Variants in TBCD observed in about 807,000 individuals in gnomAD.
The protein encoded by TBCD is tubulin-specific chaperone D.
TBCD carries 105 observed loss-of-function variants against 169.3 expected under a neutral mutation model. That is an observed-to-expected ratio of 0.62 (90% CI 0.53 to 0.73). The LOEUF is 0.73. TBCD is among the 30% of genes least tolerant of loss of function. The probability of loss-of-function intolerance (pLI) is 0.00; values close to 1 mark genes in which losing one functional copy is unlikely to be tolerated. For missense variants in TBCD, 1,444 were observed against 1,600.1 expected (o/e 0.90, Z 1.66); for synonymous variants, 700 against 643.9 (o/e 1.09, Z -1.32).
At chr17:82,788,169 T>C (rs531057210) in intron 7 of TBCD, among the ~76,000 whole-genome samples, 1 of 151,844 alleles carries the variant, frequency 6.6e-6, no homozygotes, top group South Asian at 2.1e-4. Context: ...ACCCGGGAGG[T>C]GGAGGTTGCA....
intron 17 of TBCD, among the ~76,000 whole-genome samples, chr17:82,895,388 G>A (rs751363272): frequency 3.9e-5 from 6 of 152,246 alleles, no homozygotes; most frequent in Non-Finnish European, 7.3e-5. Context: ...GTTCAGCAGA[G>A]GGCATGGGAC....
At chr17:82,769,317 G>A (rs2048185384) in intron 5 of TBCD, among the ~76,000 whole-genome samples, 1 of 152,208 alleles carries the variant, frequency 6.6e-6, no homozygotes, top group Non-Finnish European at 1.5e-5. Flanking sequence ...CTAATGAGAT[G>A]GAAGTCATGA....
chr17:82,855,250 T>A (rs935593320), intron 13 of TBCD, among the ~76,000 whole-genome samples: 3 of 126,582 alleles, frequency 2.4e-5, no homozygotes, highest in African/African-American at 3.5e-5. Flanking sequence ...TTTTTTTTTT[T>A]TTTTTTTTTT....
chr17:82,852,286 C>A (rs1351995467), intron 13 of TBCD, among the ~76,000 whole-genome samples: 4 of 152,098 alleles, frequency 2.6e-5, no homozygotes. Context: ...TTGGCGTGGT[C>A]CGTGGGCGAT....
chr17:82,921,925 C>T (rs2061441291), intron 25 of TBCD, among the ~76,000 whole-genome samples: 1 of 152,208 alleles, frequency 6.6e-6, no homozygotes, highest in Non-Finnish European at 1.5e-5. Context: ...CTTTATGATG[C>T]TCCTGTGCAG....
chr17:82,788,764 G>A (rs1390567061), intron 7 of TBCD, among the ~76,000 whole-genome samples: 1 of 152,144 alleles, frequency 6.6e-6, no homozygotes, highest in East Asian at 1.9e-4. Flanking sequence ...GGCTTGAGCT[G>A]CTGTGAGCTG....
chr17:82,855,983 T>TA (rs2056239270), intron 13 of TBCD, among the ~76,000 whole-genome samples: 1 of 114,030 alleles, frequency 8.8e-6, no homozygotes, highest in African/African-American at 3.4e-5. Context: ...ATGGGTAGAC[T>TA]CCCCCCCCAC....
Position 82,870,374 on chromosome 17 carries a change from T to C in TBCD, c.1469T>C (p.Ile490Thr). The part of the protein sequence containing the change: ...PQELKPFVTA[I>T]SSALVIAAVF... ...GAGCTGAAGCCCTTTGTGACTGCAA[T>C]CTCGAGGTAGGCCCATTCGTCGAGG... is the stretch of plus-strand genomic sequence containing the variant. The change falls in exon 14 of 39, where the codon ATC becomes ACC. Residue 490 changes from isoleucine (I) to threonine (T), a missense_variant. Physicochemically the swap from Ile to Thr is moderately conservative, Grantham distance 89. Coordinates refer to ENST00000355528, the MANE Select transcript of TBCD (RefSeq NM_005993.5). The C allele has an allele frequency of 6.2e-7, 1 of 1,612,730 alleles. No homozygotes were observed. Among genetic ancestry groups the C allele is most frequent in the Non-Finnish European group, 8.5e-7 (1 of 1,179,582 alleles).
intron 7 of TBCD, 123 bp downstream of exon 7, chr17:82,781,844 C>G (rs2048966869): frequency 1.8e-5 from 26 of 1,460,870 alleles, no homozygotes; most frequent in Non-Finnish European, 2.3e-5. Flanking sequence ...ATTGATTTAA[C>G]CGGGCCAGGG....
intron 7 of TBCD, among the ~76,000 whole-genome samples, chr17:82,793,428 C>T (rs1403295643): frequency 6.6e-6 from 1 of 152,196 alleles, no homozygotes; most frequent in Non-Finnish European, 1.5e-5. Context: ...AGATGTCCCT[C>T]GCTTTGATTT....
At chr17:82,753,832 C>G (rs2047250866) in intron 1 of TBCD, among the ~76,000 whole-genome samples, 1 of 149,990 alleles carries the variant, frequency 6.7e-6, no homozygotes, top group African/African-American at 2.5e-5. Context: ...AGATTTAGTT[C>G]ACGCAGAGCC....
In TBCD at chr17:82,752,368, C is replaced by G; in HGVS notation, c.175C>G (p.Arg59Gly). Reference sequence around the variant, plus strand: ...CGCGGAGCGCGAGGTGGCCCTGGAGCGGTTCCGCGGTGCGTGGGCGGCGCC... The same window carrying G: ...CGCGGAGCGCGAGGTGGCCCTGGAGGGGTTCCGCGGTGCGTGGGCGGCGCC... ...GGAEREVALERFRVIMDKYQE... is the reference protein window; with the variant it reads ...GGAEREVALEGFRVIMDKYQE... Residue 59 changes from arginine (R) to glycine (G), a missense_variant, in exon 1 of 39, where the codon CGG becomes GGG. Physicochemically the swap from Arg to Gly is moderately radical, Grantham distance 125. Transcript: ENST00000355528. The G allele has an allele frequency of 7.7e-7, 1 of 1,295,246 alleles. No individual in the cohort carries two copies. Among genetic ancestry groups the G allele is most frequent in the Non-Finnish European group, 9.7e-7 (1 of 1,027,620 alleles). The allele number at this position is 1,295,246 out of a possible 1,614,324, so 80.2% of individuals were successfully genotyped here.
In TBCD at chr17:82,797,438, A is replaced by G. The variant is rs1012711901; in HGVS notation, c.772-319A>G. On this transcript the variant is annotated intron_variant, in intron 7 of 38. Transcript: ENST00000355528. The stretch of plus-strand genomic sequence containing the variant: ...ACCTACTGAGATATCTTCTTTTTCC[A>G]GGCTAGTAGTGCCCTGAACTTAAAC... Among the ~76,000 whole-genome samples, 3 of 152,102 alleles carry G rather than the reference A, an allele frequency of 2.0e-5. No homozygotes were observed. In the East Asian group the frequency reaches 5.8e-4, roughly 29 times the overall value.
chr17:82,772,504 C>G lies in TBCD; in HGVS notation c.635C>G (p.Ser212Cys). Residue 212 changes from serine (S) to cysteine (C), a missense_variant, in exon 6 of 39, where the codon TCC becomes TGC. By Grantham distance (112) the Ser-to-Cys change is moderately radical. Transcript: ENST00000355528. ...CGAGATGCAGCTGCTGTCCTTGTGT[C>G]CAGGTAAGTTTCCATGGCACATTTC... Reference protein sequence around the residue: ...KARDAAAVLVSRFITRPDVKQ... With the variant: ...KARDAAAVLVCRFITRPDVKQ... 1 of 1,613,868 alleles carries G rather than the reference C, an allele frequency of 6.2e-7. No homozygotes were observed. Among genetic ancestry groups the G allele is most frequent in the Non-Finnish European group, 8.5e-7 (1 of 1,179,872 alleles).
At chr17:82,829,019 A>G (rs78402343) in intron 13 of TBCD, among the ~76,000 whole-genome samples, 5,604 of 141,100 alleles carry the variant, frequency 0.04, 365 homozygotes, top group African/African-American at 0.14. Context: ...ACACCCCCGC[A>G]GATATGCACA....
chr17:82,832,705 G>A lies in TBCD; in HGVS notation c.1318+17771G>A, dbSNP rs952330553. 8 of 540,764 alleles carry A rather than the reference G, an allele frequency of 1.5e-5. No individual in the cohort carries two copies. The highest frequency in any genetic ancestry group is 2.3e-5 in the Non-Finnish European group (7 of 301,852). 33.5% of individuals were successfully genotyped at this position (540,764 alleles called of 1,614,324 possible). A position where few individuals can be genotyped will look rare whatever the true frequency, so the allele number is the denominator to read the frequency against. On this transcript the variant is annotated intron_variant, in intron 13 of 38. Coordinates refer to ENST00000355528, the MANE Select transcript of TBCD (RefSeq NM_005993.5). This position sits in a 1 kb window ranked among gnomAD's most constrained non-coding sequence, Gnocchi z 4.9. ...GTCGGCGAGAAGCCGGCCTCGGCTC[G>A]CCACAGTGCCACAGGATCCCTGAAG...
intron 27 of TBCD, among the ~76,000 whole-genome samples, chr17:82,925,935 C>T (rs923694103): frequency 8.1e-5 from 12 of 148,448 alleles, no homozygotes; most frequent in Admixed American, 1.4e-4. Context: ...GACCTCTCCC[C>T]GGGTGTCCTT....
chr17:82,799,768 G>A (rs2050371625), intron 8 of TBCD, among the ~76,000 whole-genome samples: 1 of 152,220 alleles, frequency 6.6e-6, no homozygotes, highest in Non-Finnish European at 1.5e-5. Flanking sequence ...CGTCCTTGGT[G>A]ACGTGAACAC....
chr17:82,920,313 T>A lies in TBCD; in HGVS notation c.2039-243T>A. On this transcript the variant is annotated intron_variant, in intron 23 of 38. Coordinates refer to ENST00000355528, the MANE Select transcript of TBCD (RefSeq NM_005993.5). This position sits in a 1 kb window ranked among gnomAD's most constrained non-coding sequence, Gnocchi z 4.1. Reference sequence around the variant, plus strand: ...TGCACGTGGGCTCACACATGGGCCTTCTGCCACGTGGCTGGGTCTGCAGCA... The same window carrying A: ...TGCACGTGGGCTCACACATGGGCCTACTGCCACGTGGCTGGGTCTGCAGCA... 1.7e-6 allele frequency: 1 copy of A among 573,256 alleles called. No individual in the cohort carries two copies. The highest frequency in any genetic ancestry group is 3.1e-6 in the Non-Finnish European group (1 of 325,740). 35.5% of individuals were successfully genotyped at this position (573,256 alleles called of 1,614,324 possible). A position where few individuals can be genotyped will look rare whatever the true frequency, so the allele number is the denominator to read the frequency against.
Sources: allele counts gnomAD v4.1 joint callset (sites outside exome capture counted in the v4.1 genomes callset), GRCh38; gene constraint gnomAD v4.1.1; non-coding constraint Gnocchi (gnomAD v3.1); transcripts MANE v1.5; gene names NCBI Gene and HGNC (gene_info 2026-07-23, HGNC 2026-07-21).